PTPRT: variants seen among roughly 807,000 people sequenced by gnomAD.
The protein encoded by PTPRT is receptor-type tyrosine-protein phosphatase T.
PTPRT carries 56 observed loss-of-function variants against 176.8 expected under a neutral mutation model. The ratio of observed to expected loss-of-function variants is 0.32; its 90% CI spans 0.26 to 0.40. The LOEUF (loss-of-function observed/expected upper bound fraction) is 0.40. Ranked by LOEUF, PTPRT falls within the 10% of genes least tolerant of loss-of-function variation. The pLI is 1.00. For synonymous variants in PTPRT, 783 were observed against 739.0 expected, an observed-to-expected ratio of 1.06 and a Z score of -0.96; for missense variants, 1,540 against 1,908.2, an observed-to-expected ratio of 0.81 and a Z score of 3.60.
In PTPRT at chr20:43,150,881, G is replaced by C. The variant is rs1261838145; in HGVS notation, c.88+38765C>G. Among the ~76,000 whole-genome samples the C allele has an allele frequency of 6.6e-5, 10 of 152,302 alleles. No individual in the cohort carries two copies. In the East Asian group the frequency reaches 1.9e-3, roughly 29 times the overall value. On this transcript the variant is annotated intron_variant, in intron 1 of 30. Transcript: ENST00000373187. The stretch of plus-strand genomic sequence containing the variant: ...CCTACCTAGAGATGAAGGCAGATGT[G>C]ATCTGCCTTCATGCTGAACCTCACA...
At chr20:42,683,543 G>A (rs776854977) in intron 6 of PTPRT, among the ~76,000 whole-genome samples, 5 of 152,170 alleles carry the variant, frequency 3.3e-5, no homozygotes, top group Non-Finnish European at 5.9e-5. Flanking sequence ...CTCCCAAAGG[G>A]CTGGGATTAC....
intron 27 of PTPRT, among the ~76,000 whole-genome samples, chr20:42,086,467 G>A (rs1019096706): frequency 2.0e-5 from 3 of 151,888 alleles, no homozygotes; most frequent in African/African-American, 7.3e-5. Context: ...GTAAAATGGG[G>A]AGAATAATAT....
intron 6 of PTPRT, among the ~76,000 whole-genome samples, chr20:42,713,033 T>G (rs2076168687): frequency 6.6e-6 from 1 of 152,330 alleles, no homozygotes; most frequent in African/African-American, 2.4e-5. Context: ...AAAGAGTTTT[T>G]GAAATACGCT....
intron 11 of PTPRT, among the ~76,000 whole-genome samples, chr20:42,346,252 G>A (rs919403563): frequency 5.3e-5 from 8 of 152,114 alleles, no homozygotes; most frequent in African/African-American, 1.2e-4. Context: ...ATCAGGGGAC[G>A]GTCTGTTATA....
chr20:43,173,088 G>A (rs1297997329), intron 1 of PTPRT, among the ~76,000 whole-genome samples: 2 of 151,954 alleles, frequency 1.3e-5, no homozygotes, highest in Non-Finnish European at 1.5e-5. Context: ...GGTCACGGCT[G>A]GTCTCGAACT....
At chr20:42,437,527 A>G (rs1342332022) in intron 9 of PTPRT, among the ~76,000 whole-genome samples, 2 of 152,224 alleles carry the variant, frequency 1.3e-5, no homozygotes, top group Non-Finnish European at 2.9e-5. Flanking sequence ...TCTTTATGCC[A>G]TCTTGAAGGA....
chr20:42,842,295 C>T (rs894912824), intron 2 of PTPRT, among the ~76,000 whole-genome samples: 2 of 152,226 alleles, frequency 1.3e-5, no homozygotes, highest in Non-Finnish European at 2.9e-5. Context: ...GCAGTGTCTA[C>T]AAATCAGCAG....
intron 13 of PTPRT, among the ~76,000 whole-genome samples, chr20:42,258,688 A>G: frequency 6.6e-6 from 1 of 152,142 alleles, no homozygotes; most frequent in East Asian, 1.9e-4. Flanking sequence ...AGCACTTGAG[A>G]AGGATTATTT....
At chr20:42,272,545 G>A (rs552425104) in intron 13 of PTPRT, among the ~76,000 whole-genome samples, 125 of 152,194 alleles carry the variant, frequency 8.2e-4, no homozygotes, top group African/African-American at 2.9e-3. Flanking sequence ...CCTCTTAACT[G>A]CTCTCCCATT....
chr20:42,686,772 G>A (rs1337885132), intron 6 of PTPRT, among the ~76,000 whole-genome samples: 2 of 151,802 alleles, frequency 1.3e-5, no homozygotes, highest in African/African-American at 2.4e-5. Context: ...GATTACAGGC[G>A]TGAGCCACCC....
intron 10 of PTPRT, 37 bp from the exon 11 acceptor site, chr20:42,350,767 C>T (rs1055820565): frequency 1.9e-5 from 29 of 1,493,692 alleles, no homozygotes; most frequent in Non-Finnish European, 2.7e-5. Context: ...GAGTTCAGCA[C>T]AGATTCCCAA....
At chr20:42,663,087 G>A (rs1394304579) in intron 7 of PTPRT, among the ~76,000 whole-genome samples, 1 of 151,912 alleles carries the variant, frequency 6.6e-6, no homozygotes, top group Non-Finnish European at 1.5e-5. Flanking sequence ...AGGGCAGATA[G>A]GTTAAAATAC....
chr20:42,800,031 C>A (rs1388610853), intron 2 of PTPRT, among the ~76,000 whole-genome samples: 1 of 152,176 alleles, frequency 6.6e-6, no homozygotes, highest in Non-Finnish European at 1.5e-5. Context: ...ATTTATTTAT[C>A]TTCTCAGTCA....
intron 1 of PTPRT, among the ~76,000 whole-genome samples, chr20:42,996,083 A>T (rs116549655): frequency 0.011 from 1,743 of 152,266 alleles, 46 homozygotes; most frequent in African/African-American, 0.039. Context: ...CCCTCTCTGC[A>T]TGTCATGGTA....
intron 22 of PTPRT, among the ~76,000 whole-genome samples, chr20:42,113,246 C>T (rs1349328718): frequency 2.0e-5 from 3 of 152,180 alleles, no homozygotes; most frequent in Non-Finnish European, 4.4e-5. Context: ...GAAAATGTAA[C>T]ACGAGAAAGG....
intron 11 of PTPRT, among the ~76,000 whole-genome samples, chr20:42,341,720 T>C (rs1485238786): frequency 6.6e-6 from 1 of 152,132 alleles, no homozygotes; most frequent in African/African-American, 2.4e-5. Flanking sequence ...CTCCAGACTT[T>C]TGGAATTTAA....
intron 9 of PTPRT, among the ~76,000 whole-genome samples, chr20:42,406,015 A>G (rs575585492): frequency 7.9e-5 from 12 of 152,340 alleles, no homozygotes; most frequent in Non-Finnish European, 1.6e-4. Context: ...AATGTAAATT[A>G]TAAACTATTT....
At chr20:43,031,394 T>C (rs1406534401) in intron 1 of PTPRT, among the ~76,000 whole-genome samples, 3 of 152,150 alleles carry the variant, frequency 2.0e-5, no homozygotes, top group East Asian at 3.9e-4. Flanking sequence ...GGCAACATCT[T>C]TGAGGCAGAG....
chr20:42,174,178 T>A (rs1990188086), intron 16 of PTPRT, among the ~76,000 whole-genome samples: 1 of 152,152 alleles, frequency 6.6e-6, no homozygotes, highest in African/African-American at 2.4e-5. Context: ...CTATGGCTTG[T>A]TAAGATAAAT....
Sources: allele counts gnomAD v4.1 joint callset (sites outside exome capture counted in the v4.1 genomes callset), GRCh38; gene constraint gnomAD v4.1.1; transcripts MANE v1.5; gene names NCBI Gene and HGNC (gene_info 2026-07-23, HGNC 2026-07-21).